BPNT1: variants seen among roughly 807,000 people sequenced by gnomAD.
BPNT1 encodes the protein 3'(2'),5'-bisphosphate nucleotidase 1.
A neutral mutation model predicts 36.9 loss-of-function variants in BPNT1; 28 were observed. The observed-to-expected ratio is 0.76, with a 90% CI of 0.56 to 1.04. The LOEUF is 1.04. Among genes scored for constraint, BPNT1 ranks in the 50% least tolerant of loss-of-function variants. The pLI, the probability that BPNT1 is intolerant of heterozygous loss-of-function variation, is 0.00. For missense variants in BPNT1, 313 were observed against 372.9 expected, an observed-to-expected ratio of 0.84 and a Z score of 1.32; for synonymous variants, 119 against 130.9, an observed-to-expected ratio of 0.91 and a Z score of 0.62.
chr1:220,088,124 G>A lies in BPNT1; in HGVS notation c.-9+1562C>T, dbSNP rs375840211. Among the ~76,000 whole-genome samples the A allele has an allele frequency of 1.4e-4, 22 of 152,046 alleles. No individual in the cohort carries two copies. In the East Asian group the frequency reaches 1.8e-3, roughly 12 times the overall value. On this transcript the variant is annotated intron_variant, in intron 1 of 8. Transcript: ENST00000322067. ...ACTTCCGACCTCATGGCCTGCCTAAGCCTCCCAAAGTGCTAGGATTACAGG... is the reference window on the plus strand; with the variant it reads ...ACTTCCGACCTCATGGCCTGCCTAAACCTCCCAAAGTGCTAGGATTACAGG...
intron 6 of BPNT1, chr1:220,066,260 T>C (rs992244579): frequency 2.4e-5 from 12 of 490,742 alleles, no homozygotes; most frequent in Non-Finnish European, 3.8e-5. Flanking sequence ...TTGAAAGTAA[T>C]AGTATTAACT....
chr1:220,058,901 A>C lies in BPNT1; in HGVS notation c.870T>G (p.Asn290Lys). The change falls in exon 9 of 9, where the codon AAT (asparagine) becomes AAG (lysine). Residue 290 changes from asparagine to lysine, a missense_variant. Physicochemically the swap from Asn to Lys is moderately conservative, Grantham distance 94 (BLOSUM62 0). Transcript: ENST00000322067. The part of the protein sequence containing the change: ...NSAGVLATLR[N>K]YDYYASRVPE... ...GAACTCGGCTTGCATAGTAGTCATAATTCCTCAGTGTGGCCAGGACTCCTG... is the reference window on the plus strand; with the variant it reads ...GAACTCGGCTTGCATAGTAGTCATACTTCCTCAGTGTGGCCAGGACTCCTG... 6.2e-7 allele frequency: 1 copy of C among 1,614,100 alleles called. No individual in the cohort carries two copies. Among genetic ancestry groups the C allele is most frequent in the Non-Finnish European group, 8.5e-7 (1 of 1,179,982 alleles).
At chr1:220,085,026 T>G (rs1259756044) in intron 1 of BPNT1, among the ~76,000 whole-genome samples, 1 of 152,078 alleles carries the variant, frequency 6.6e-6, no homozygotes, top group African/African-American at 2.4e-5. Flanking sequence ...CCTTAATCGT[T>G]TTCTTAACTA....
chr1:220,089,125 AGAAGGAGGAG>A (rs1239320018), intron 1 of BPNT1, among the ~76,000 whole-genome samples: 39 of 144,236 alleles, frequency 2.7e-4, no homozygotes, highest in African/African-American at 7.2e-4. Context: ...AAAAAAAAAA[AGAAGGAGGAG>A]GAAGGAGGAG....
chr1:220,068,951 T>C (rs1011136218), intron 5 of BPNT1, among the ~76,000 whole-genome samples: 1 of 152,198 alleles, frequency 6.6e-6, no homozygotes, highest in South Asian at 2.1e-4. Flanking sequence ...AACCCACCTT[T>C]AGAAGGTGAG....
intron 1 of BPNT1, among the ~76,000 whole-genome samples, chr1:220,081,980 A>G (rs72747325): frequency 6.7e-6 from 1 of 150,260 alleles, no homozygotes; most frequent in Non-Finnish European, 1.5e-5. Flanking sequence ...ATGGGGAATT[A>G]ACCTGTGACA....
rs1399929273 is a variant in BPNT1 at position 220,058,079 on chromosome 1, G to C, written c.*765C>G. ...CAGTCCCAGCTACTCGGGAGGCTGAGGCAGGAGAATGGCATGAACCCGGGA... is the reference window on the plus strand; with the variant it reads ...CAGTCCCAGCTACTCGGGAGGCTGACGCAGGAGAATGGCATGAACCCGGGA... On this transcript the variant is annotated 3_prime_UTR_variant, in exon 9 of 9. Coordinates refer to ENST00000322067, the MANE Select transcript of BPNT1 (RefSeq NM_006085.6). 1.4e-6 allele frequency: 1 copy of C among 700,352 alleles called. No individual in the cohort carries two copies. The highest frequency in any genetic ancestry group is 1.9e-5 in the African/African-American group (1 of 52,984). 43.4% of individuals were successfully genotyped at this position (700,352 alleles called of 1,614,324 possible). A position where few individuals can be genotyped will look rare whatever the true frequency, so the allele number is the denominator to read the frequency against.
chr1:220,061,146 T>C (rs1662991418), intron 7 of BPNT1, among the ~76,000 whole-genome samples: 1 of 152,174 alleles, frequency 6.6e-6, no homozygotes, highest in South Asian at 2.1e-4. Flanking sequence ...ATAGAGATGC[T>C]TTACAGATGC....
At chr1:220,089,101 GAAA>G (rs764942826) in intron 1 of BPNT1, among the ~76,000 whole-genome samples, 8 of 39,148 alleles carry the variant, frequency 2.0e-4, no homozygotes, top group Non-Finnish European at 2.3e-4. Context: ...ACTCCGTCTC[GAAA>G]AAAAAAAAAA....
At chr1:220,078,535 T>C (rs1664803050) in intron 2 of BPNT1, among the ~76,000 whole-genome samples, 1 of 142,856 alleles carries the variant, frequency 7.0e-6, no homozygotes, top group African/African-American at 2.5e-5. Context: ...TATATTACAT[T>C]ATATATATTA....
chr1:220,068,424 T>G (rs981697505), intron 5 of BPNT1, among the ~76,000 whole-genome samples: 8 of 151,746 alleles, frequency 5.3e-5, no homozygotes, highest in African/African-American at 1.9e-4. Context: ...CCTAATTATC[T>G]GCCCACCTCG....
chr1:220,073,960 C>T lies in BPNT1; in HGVS notation c.225+7G>A, dbSNP rs751293308. 44 of 1,611,920 alleles carry T rather than the reference C, an allele frequency of 2.7e-5. No homozygotes were observed. The East Asian group carries it at 4.0e-4, about 15-fold the overall frequency. ...GATTTTAAAAAAATGTCTCTGATGACGCTTACCTCTTCCCCTATAATTGTG... is the reference window on the plus strand; with the variant it reads ...GATTTTAAAAAAATGTCTCTGATGATGCTTACCTCTTCCCCTATAATTGTG... On this transcript the variant is annotated splice_region_variant and intron_variant, in intron 3 of 8. Coordinates refer to ENST00000322067, the MANE Select transcript of BPNT1 (RefSeq NM_006085.6).
chr1:220,058,499 A>C lies in BPNT1; in HGVS notation c.*345T>G. 2.0e-6 allele frequency: 2 copies of C among 989,534 alleles called. No homozygotes were observed. Among genetic ancestry groups the C allele is most frequent in the Non-Finnish European group, 2.4e-6 (2 of 829,118 alleles). 61.3% of individuals were successfully genotyped at this position (989,534 alleles called of 1,614,324 possible). On this transcript the variant is annotated 3_prime_UTR_variant, in exon 9 of 9. Coordinates refer to ENST00000322067, the MANE Select transcript of BPNT1 (RefSeq NM_006085.6). ...TGAGAACCAAGTCTTTCTCCTAGCT[A>C]AGTAAATGAAACTTTAAGTACTTTT...
rs550559668 is a variant in BPNT1, at chr1:220,085,296, T to C, written c.-9+4390A>G. ...ATTGTACTTCTTTCTCTACCAGTTTTACATCTTCTGGGCCTTAAAACACTC... is the reference window on the plus strand; with the variant it reads ...ATTGTACTTCTTTCTCTACCAGTTTCACATCTTCTGGGCCTTAAAACACTC... On this transcript the variant is annotated intron_variant, in intron 1 of 8. Coordinates refer to ENST00000322067, the MANE Select transcript of BPNT1 (RefSeq NM_006085.6). Among the ~76,000 whole-genome samples, 92 of 152,320 alleles carry C rather than the reference T, an allele frequency of 6.0e-4. 1 individual carries two copies. The highest frequency in any genetic ancestry group is 2.1e-3 in the African/African-American group (87 of 41,566).
intron 2 of BPNT1, among the ~76,000 whole-genome samples, chr1:220,078,741 G>A (rs942278563): frequency 6.6e-6 from 1 of 151,670 alleles, no homozygotes; most frequent in African/African-American, 2.4e-5. Flanking sequence ...GTGAGTATAG[G>A]TGTGCACCAC....
chr1:220,080,135 T>C (rs187530310), intron 1 of BPNT1, among the ~76,000 whole-genome samples: 1 of 152,272 alleles, frequency 6.6e-6, no homozygotes, highest in Admixed American at 6.5e-5. Context: ...GTGAAAAAGT[T>C]TGTGTATGAG....
At chr1:220,083,384 G>C (rs1433382093) in intron 1 of BPNT1, among the ~76,000 whole-genome samples, 1 of 150,044 alleles carries the variant, frequency 6.7e-6, no homozygotes, top group Non-Finnish European at 1.5e-5. Context: ...GCGCGATCTC[G>C]GCTCACTACA....
chr1:220,070,593 C>T (rs1202691827), intron 4 of BPNT1, among the ~76,000 whole-genome samples: 3 of 151,914 alleles, frequency 2.0e-5, no homozygotes, highest in Non-Finnish European at 2.9e-5. Flanking sequence ...TCCCAAGTAG[C>T]TAGGACTACA....
At chr1:220,085,410 C>A (rs900976875) in intron 1 of BPNT1, among the ~76,000 whole-genome samples, 3 of 152,226 alleles carry the variant, frequency 2.0e-5, no homozygotes, top group African/African-American at 7.2e-5. Context: ...TGTTCAAATC[C>A]TGGCTCAGCT....
Sources: gnomAD v4.1 joint callset for allele counts (sites outside exome capture counted in the v4.1 genomes callset) on GRCh38, gnomAD v4.1.1 for gene constraint, MANE v1.5 for transcripts, NCBI Gene and HGNC (gene_info 2026-07-23, HGNC 2026-07-21) for gene names.